Variants in COG4 observed in about 807,000 individuals in gnomAD.
The protein encoded by COG4 is component of oligomeric golgi complex 4, also known as conserved oligomeric Golgi complex subunit 4.
In COG4, 65 loss-of-function variants were observed where a neutral mutation model predicts 95.1. That is an observed-to-expected ratio of 0.68 (90% confidence interval 0.56 to 0.84). COG4 has a LOEUF of 0.84. Ranked by LOEUF, COG4 falls within the 40% of genes least tolerant of loss-of-function variation. The pLI, the probability that COG4 is intolerant of heterozygous loss-of-function variation, is 0.00. For synonymous variants in COG4, 421 were observed against 374.8 expected (o/e 1.12, Z -1.42); for missense variants, 1,045 against 989.1 (o/e 1.06, Z -0.76).
intron 13 of COG4, among the ~76,000 whole-genome samples, chr16:70,487,416 GCA>G (rs2049161229): frequency 1.3e-5 from 2 of 152,014 alleles, no homozygotes; most frequent in Non-Finnish European, 2.9e-5. Flanking sequence ...GGCCAACATG[GCA>G]AAACCCCATC....
intron 2 of COG4, among the ~76,000 whole-genome samples, chr16:70,518,988 A>G (rs1164641824): frequency 6.6e-6 from 1 of 152,062 alleles, no homozygotes; most frequent in African/African-American, 2.4e-5. Context: ...AAAAAAAAAA[A>G]AAAAGGTGGT....
At chr16:70,517,166 T>A (rs2049839098) in intron 3 of COG4, among the ~76,000 whole-genome samples, 1 of 152,126 alleles carries the variant, frequency 6.6e-6, no homozygotes, top group Non-Finnish European at 1.5e-5. Context: ...CCTAAAGTGA[T>A]GGGATTGTAG....
At chr16:70,507,659 G>A (rs887004876) in intron 8 of COG4, among the ~76,000 whole-genome samples, 3 of 151,910 alleles carry the variant, frequency 2.0e-5, no homozygotes, top group South Asian at 4.1e-4. Context: ...TCAGGAGTTC[G>A]AGACTAACCT....
chr16:70,482,741 GT>G lies in COG4; in HGVS notation c.1907del (p.His636ProfsTer44). 1 of 1,613,788 alleles carries G rather than the reference GT, an allele frequency of 6.2e-7. No homozygotes were observed. Among genetic ancestry groups the G allele is most frequent in the South Asian group, 1.1e-5 (1 of 91,076 alleles). ...TGGCCAGGCTAACCTCCTCGATGTT[GT>G]GGGAGACGGAGAAAAAGCTGTTGAT... ...PWINSFFSVS[H>X]NIEEEEFNDY... On this transcript the variant is annotated frameshift_variant, in exon 15 of 19. Coordinates refer to ENST00000323786, the MANE Select transcript of COG4 (RefSeq NM_015386.3). LOFTEE classifies it high-confidence loss of function.
chr16:70,495,843 T>G (rs1308322554), intron 12 of COG4, among the ~76,000 whole-genome samples: 1 of 152,192 alleles, frequency 6.6e-6, no homozygotes, highest in Non-Finnish European at 1.5e-5. Context: ...GCCTAAGACA[T>G]GTACTAGCAG....
chr16:70,517,527 G>A (rs925988279), intron 3 of COG4, 99 bp downstream of exon 3: 1 of 720,072 alleles, frequency 1.4e-6, no homozygotes, highest in African/African-American at 1.9e-5. Flanking sequence ...AGTTGGGGCT[G>A]TAGTGAGCTG....
In COG4 at chr16:70,494,351, C is replaced by T. The variant is rs543683955; in HGVS notation, c.1647+1915G>A. 7.2e-5 allele frequency among the ~76,000 whole-genome samples: 11 copies of T among 152,320 alleles called. No individual in the cohort carries two copies. The South Asian group carries it at 2.3e-3, about 32-fold the overall frequency. ...ATTCACTGGGTTTATTCCCTGCCCA[C>T]AGTGCATGATGTCAGTAAATTTGGA... is the stretch of plus-strand genomic sequence containing the variant. On this transcript the variant is annotated intron_variant, in intron 12 of 18. Transcript: ENST00000323786.
At chr16:70,491,025 A>G (rs1295070954) in intron 12 of COG4, among the ~76,000 whole-genome samples, 1 of 152,156 alleles carries the variant, frequency 6.6e-6, no homozygotes, top group East Asian at 1.9e-4. Flanking sequence ...CAGGTCCAGG[A>G]TAAGTTCTGA....
At chr16:70,508,600 C>T in intron 7 of COG4, 136 bp from the exon 8 acceptor site, 1 of 772,186 alleles carries the variant, frequency 1.3e-6, no homozygotes. Context: ...CCCTTCAAGC[C>T]AGCAGTGGGC....
intron 3 of COG4, chr16:70,515,962 C>T: frequency 2.2e-6 from 1 of 455,812 alleles, no homozygotes; most frequent in Admixed American, 2.4e-5. Flanking sequence ...AGCCACCACA[C>T]CTGGCCAGCT....
intron 8 of COG4, among the ~76,000 whole-genome samples, chr16:70,507,003 GC>G (rs1173251463): frequency 6.6e-6 from 1 of 152,066 alleles, no homozygotes; most frequent in Non-Finnish European, 1.5e-5. Flanking sequence ...GATCACTTGA[GC>G]CCAGGAGTTC....
chr16:70,488,761 G>GTCTGGCCA (rs1013891287), intron 13 of COG4, among the ~76,000 whole-genome samples: 3 of 151,304 alleles, frequency 2.0e-5, no homozygotes, highest in Non-Finnish European at 4.4e-5. Context: ...ATGTTGGCCA[G>GTCTGGCCA]ACCGGTCTCG....
Position 70,522,703 on chromosome 16 carries a change from G to A in COG4, c.171+670C>T, listed in dbSNP as rs137940078. Among the ~76,000 whole-genome samples the A allele has an allele frequency of 5.0e-3, 765 of 152,290 alleles. 4 individuals are homozygous for A. Among genetic ancestry groups the A allele is most frequent in the Non-Finnish European group, 8.0e-3 (545 of 68,030 alleles). ...ACTGACATTCGAAAGTGAATTGACA[G>A]CATCGAGTTGCCACTGAAAATTAAA... is the stretch of plus-strand genomic sequence containing the variant. On this transcript the variant is annotated intron_variant, in intron 1 of 18. Coordinates refer to ENST00000323786, the MANE Select transcript of COG4 (RefSeq NM_015386.3).
At chr16:70,519,252 C>A (rs1379868487) in intron 2 of COG4, among the ~76,000 whole-genome samples, 1 of 89,010 alleles carries the variant, frequency 1.1e-5, no homozygotes, top group Non-Finnish European at 1.9e-5. Context: ...CTCAGCCTCC[C>A]GAGTAGCTGG....
chr16:70,497,447 A>T (rs1219855987), intron 10 of COG4, 60 bp from the exon 11 acceptor site: 1 of 1,545,318 alleles, frequency 6.5e-7, no homozygotes, highest in South Asian at 1.1e-5. Context: ...GTTCTAGATG[A>T]TTCTGGGTAC....
Position 70,482,020 on chromosome 16 carries a change from G to C in COG4, c.2004+72C>G, listed in dbSNP as rs2049008019. The stretch of plus-strand genomic sequence containing the variant: ...TCAGGGTCCCCAGAAGGAATGTGAT[G>C]AGACCCTGCAGGCTGCTGGTTTGGG... On this transcript the variant is annotated intron_variant, in intron 16 of 18. Transcript: ENST00000323786. The C allele has an allele frequency of 3.5e-6, 5 of 1,410,400 alleles. No homozygotes were observed. In the Admixed American group the frequency reaches 5.0e-5, roughly 14 times the overall value. 87.4% of individuals were successfully genotyped at this position (1,410,400 alleles called of 1,614,324 possible).
At chr16:70,482,971 T>G in intron 14 of COG4, 150 bp from the exon 15 acceptor site, 1 of 426,330 alleles carries the variant, frequency 2.3e-6, no homozygotes, top group Non-Finnish European at 4.3e-6. Context: ...CATTTCTTCC[T>G]TCTCTCCTCT....
At chr16:70,491,520 CAAAAAAAAAAA>C (rs72213284) in intron 12 of COG4, among the ~76,000 whole-genome samples, 4 of 54,840 alleles carry the variant, frequency 7.3e-5, no homozygotes, top group African/African-American at 3.7e-4. Context: ...GACTCTGTCT[CAAAAAAAAAAA>C]AAAAAAAAAA....
chr16:70,499,095 C>T (rs1046944162), intron 9 of COG4, among the ~76,000 whole-genome samples: 1 of 152,088 alleles, frequency 6.6e-6, no homozygotes, highest in African/African-American at 2.4e-5. Context: ...TATTCCGTAT[C>T]TGTTATCTGA....
Sources: allele counts gnomAD v4.1 joint callset (sites outside exome capture counted in the v4.1 genomes callset), GRCh38; gene constraint gnomAD v4.1.1; transcripts MANE v1.5; gene names NCBI Gene and HGNC (gene_info 2026-07-23, HGNC 2026-07-21).